TTLL4: variants seen among roughly 807,000 people sequenced by gnomAD.
TTLL4 encodes the protein tubulin tyrosine ligase like 4.
A neutral mutation model predicts 122.7 loss-of-function variants in TTLL4; 85 were observed. The ratio of observed to expected loss-of-function variants is 0.69; its 90% CI spans 0.58 to 0.83. TTLL4 has a LOEUF of 0.83. Among genes scored for constraint, TTLL4 ranks in the 40% least tolerant of loss-of-function variants. The probability of loss-of-function intolerance (pLI) is 0.00; values close to 1 mark genes in which losing one functional copy is unlikely to be tolerated. For missense variants in TTLL4, 1,363 were observed against 1,488.6 expected (o/e 0.92, Z 1.39); for synonymous variants, 553 against 563.0 (o/e 0.98, Z 0.25).
At chr2:218,730,493 G>A (rs1942350418) in intron 2 of TTLL4, among the ~76,000 whole-genome samples, 1 of 151,952 alleles carries the variant, frequency 6.6e-6, no homozygotes, top group South Asian at 2.1e-4. Flanking sequence ...GGGCAACAGA[G>A]CGAGACGCTG....
chr2:218,751,698 C>CTA lies in TTLL4; in HGVS notation c.2874-6_2874-5insTA. On this transcript the variant is annotated splice_polypyrimidine_tract_variant and splice_region_variant and intron_variant, in intron 15 of 19. Coordinates refer to ENST00000392102, the MANE Select transcript of TTLL4 (RefSeq NM_014640.5). ...CCCTTTGCTTTCTTTCTGGCCTCTG[C>CTA]CGTAGCCTGCCCACCTCCCCTGGGG... 4 of 1,611,828 alleles carry CTA rather than the reference C, an allele frequency of 2.5e-6. No homozygotes were observed. The highest frequency in any genetic ancestry group is 3.4e-6 in the Non-Finnish European group (4 of 1,178,618).
chr2:218,735,117 G>A (rs775892640), intron 2 of TTLL4, among the ~76,000 whole-genome samples: 9 of 152,160 alleles, frequency 5.9e-5, no homozygotes, highest in Non-Finnish European at 1.3e-4. Context: ...TAAAGAGGGC[G>A]ATATCCCATG....
rs576808352 is a variant in TTLL4, at chr2:218,728,812, T to C, written c.-99+1465T>C. On this transcript the variant is annotated intron_variant, in intron 2 of 19. Transcript: ENST00000392102. ...AGAGCAGAGAGTCCAGGGCTGAATA[T>C]GGTAGTCCCACCTTGCTTTGTTTCT... 1.1e-3 allele frequency among the ~76,000 whole-genome samples: 163 copies of C among 152,262 alleles called. 1 individual carries two copies. The highest frequency in any genetic ancestry group is 3.1e-4 in the Non-Finnish European group (21 of 68,016).
downstream of TTLL4, among the ~76,000 whole-genome samples, chr2:218,757,241 C>T (rs1943169536): frequency 6.6e-6 from 1 of 152,150 alleles, no homozygotes; most frequent in Non-Finnish European, 1.5e-5. Flanking sequence ...GTGGAGCTGC[C>T]ATCGAGATAT....
chr2:218,737,207 GGTTT>G (rs1326701552), intron 2 of TTLL4, among the ~76,000 whole-genome samples: 2 of 152,184 alleles, frequency 1.3e-5, no homozygotes, highest in East Asian at 3.8e-4. Flanking sequence ...TAGCCACACT[GGTTT>G]TGGGTGAGGG....
chr2:218,751,910 C>CT (rs552683126), intron 16 of TTLL4, 104 bp downstream of exon 16: 16,885 of 430,908 alleles, frequency 0.039, no homozygotes, highest in East Asian at 0.065. Context: ...TTTTCTTTTT[C>CT]TTTTTTTTTT....
At chr2:218,735,389 C>T (rs945908691) in intron 2 of TTLL4, among the ~76,000 whole-genome samples, 12 of 151,748 alleles carry the variant, frequency 7.9e-5, no homozygotes, top group Admixed American at 2.0e-4. Context: ...AGTGAGATAC[C>T]GCCACTCCCT....
chr2:218,750,524 T>C (rs926051247), intron 15 of TTLL4, among the ~76,000 whole-genome samples: 1 of 151,866 alleles, frequency 6.6e-6, no homozygotes, highest in East Asian at 1.9e-4. Flanking sequence ...CTGGGCAATA[T>C]AGCAAGATGT....
At chr2:218,730,710 A>G (rs994791070) in intron 2 of TTLL4, among the ~76,000 whole-genome samples, 2 of 151,856 alleles carry the variant, frequency 1.3e-5, no homozygotes, top group Non-Finnish European at 2.9e-5. Flanking sequence ...TTCCATTCCC[A>G]TCTCCTGCTC....
intron 15 of TTLL4, among the ~76,000 whole-genome samples, chr2:218,750,356 C>G (rs187391301): frequency 6.6e-6 from 1 of 152,124 alleles, no homozygotes; most frequent in African/African-American, 2.4e-5. Context: ...AACCACAGGC[C>G]TAGGAATCAG....
At chr2:218,742,831 T>C (rs920082376) in intron 5 of TTLL4, among the ~76,000 whole-genome samples, 18 of 152,248 alleles carry the variant, frequency 1.2e-4, no homozygotes, top group African/African-American at 3.9e-4. Context: ...AGTCAAGATA[T>C]AGAACATCTT....
rs184915219 is a variant in TTLL4 at position 218,727,608 on chromosome 2, C to T, written c.-99+261C>T. ...AAAATTAGCTGGGCATGGTGGCGGG[C>T]GCCTGTAGTCCCAGCTACTCAGGAG... On this transcript the variant is annotated intron_variant, in intron 2 of 19. Coordinates refer to ENST00000392102, the MANE Select transcript of TTLL4 (RefSeq NM_014640.5). Among the ~76,000 whole-genome samples, 148 of 151,994 alleles carry T rather than the reference C, an allele frequency of 9.7e-4. 1 individual carries two copies. Among genetic ancestry groups the T allele is most frequent in the African/African-American group, 3.4e-3 (141 of 41,504 alleles).
At chr2:218,759,287 C>A (rs111309575), downstream of TTLL4, among the ~76,000 whole-genome samples, 1 of 151,986 alleles carries the variant, frequency 6.6e-6, no homozygotes. Context: ...CTGTGGCTCA[C>A]GCCTGTAATC....
At chr2:218,715,730 C>T (rs535196268) in intron 1 of TTLL4, among the ~76,000 whole-genome samples, 10 of 152,174 alleles carry the variant, frequency 6.6e-5, no homozygotes, top group African/African-American at 2.4e-4. Context: ...TCCTCGTTCA[C>T]GCCATTCTCC....
At chr2:218,751,899 C>CTTTTTTTTTTTTTTT (rs759034468) in intron 16 of TTLL4, 93 bp downstream of exon 16, 1 of 488,306 alleles carries the variant, frequency 2.0e-6, no homozygotes, top group South Asian at 3.1e-5. Flanking sequence ...TTTTTTTTTT[C>CTTTTTTTTTTTTTTT]TTTTCTTTTT....
chr2:218,733,350 G>A (rs544786462), intron 2 of TTLL4, among the ~76,000 whole-genome samples: 2 of 152,294 alleles, frequency 1.3e-5, no homozygotes, highest in African/African-American at 4.8e-5. Flanking sequence ...ACATTCAGTT[G>A]TGGCGGAAGG....
chr2:218,715,852 G>A (rs765353112), intron 1 of TTLL4, among the ~76,000 whole-genome samples: 2 of 152,040 alleles, frequency 1.3e-5, no homozygotes, highest in African/African-American at 2.4e-5. Flanking sequence ...GGATGGTTTC[G>A]ATCTCCTGAC....
intron 2 of TTLL4, among the ~76,000 whole-genome samples, chr2:218,729,780 G>C (rs1405081135): frequency 7.6e-6 from 1 of 131,936 alleles, no homozygotes; most frequent in African/African-American, 3.1e-5. Context: ...AAAAAAAACA[G>C]GATCTTATTC....
intron 8 of TTLL4, 36 bp from the exon 9 acceptor site, chr2:218,746,967 G>T (rs1383465511): frequency 6.2e-7 from 1 of 1,602,728 alleles, no homozygotes; most frequent in South Asian, 1.1e-5. Flanking sequence ...CCTCACCTCT[G>T]CCCTCTTCCT....
Sources: gnomAD v4.1 joint callset for allele counts (sites outside exome capture counted in the v4.1 genomes callset) on GRCh38, gnomAD v4.1.1 for gene constraint, MANE v1.5 for transcripts, NCBI Gene and HGNC (gene_info 2026-07-23, HGNC 2026-07-21) for gene names.